Variants in RHOQ observed in about 807,000 individuals in gnomAD.
The protein encoded by RHOQ is rho-related GTP-binding protein RhoQ.
RHOQ carries 7 observed loss-of-function variants against 25.8 expected under a neutral mutation model. That is an observed-to-expected ratio of 0.27 (90% CI 0.15 to 0.51). RHOQ has a LOEUF of 0.51. Ranked by LOEUF, RHOQ falls within the 20% of genes least tolerant of loss-of-function variation. The probability of loss-of-function intolerance (pLI) is 0.97; values close to 1 mark genes in which losing one functional copy is unlikely to be tolerated. For missense variants in RHOQ, 165 were observed against 260.6 expected, an observed-to-expected ratio of 0.63 and a Z score of 2.53; for synonymous variants, 97 against 98.6, an observed-to-expected ratio of 0.98 and a Z score of 0.10.
At position 46,548,864 on chromosome 2, in the gene RHOQ, G is replaced by A. The variant is rs1178903179; in HGVS notation, c.201+5052G>A. On this transcript the variant is annotated intron_variant, in intron 2 of 4. Transcript: ENST00000238738. This position sits in a 1 kb window ranked among gnomAD's most constrained non-coding sequence, Gnocchi z 5.2. ...CTGGTTTCCTCCTCTGCGTTGGGAAGGTGGATAGCCTTTGTTGACTCCAAA... is the reference window on the plus strand; with the variant it reads ...CTGGTTTCCTCCTCTGCGTTGGGAAAGTGGATAGCCTTTGTTGACTCCAAA... Among the ~76,000 whole-genome samples, 2 of 152,230 alleles carry A rather than the reference G, an allele frequency of 1.3e-5. No individual in the cohort carries two copies. The highest frequency in any genetic ancestry group is 2.9e-5 in the Non-Finnish European group (2 of 68,038).
chr2:46,578,491 G>T (rs1347506469), intron 4 of RHOQ, among the ~76,000 whole-genome samples: 1 of 142,426 alleles, frequency 7.0e-6, no homozygotes, highest in Non-Finnish European at 1.5e-5. Context: ...CCGCACCTTG[G>T]AAGGCTGAGG....
Position 46,576,718 on chromosome 2 carries a change from C to G in RHOQ, c.462+62C>G. ...AAAGATGCTAAGATAACAATAGAAG[C>G]TAATTTTATTGTGTATTTACTGTGT... On this transcript the variant is annotated intron_variant, in intron 4 of 4. Transcript: ENST00000238738. The surrounding 1 kb of genome is among the most constrained non-coding windows in gnomAD (Gnocchi z 5.1). The G allele has an allele frequency of 8.7e-7, 1 of 1,147,752 alleles. No individual in the cohort carries two copies. The highest frequency in any genetic ancestry group is 1.3e-6 in the Non-Finnish European group (1 of 778,904). The allele number at this position is 1,147,752 out of a possible 1,614,324, so 71.1% of individuals were successfully genotyped here. A position where few individuals can be genotyped will look rare whatever the true frequency, so the allele number is the denominator to read the frequency against.
chr2:46,556,076 C>T lies in RHOQ; in HGVS notation c.201+12264C>T, dbSNP rs898446940. On this transcript the variant is annotated intron_variant, in intron 2 of 4. Transcript: ENST00000238738. The surrounding 1 kb of genome is among the most constrained non-coding windows in gnomAD (Gnocchi z 4.9). The stretch of plus-strand genomic sequence containing the variant: ...GTCACTCCCCACCATTCCTCCTCCC[C>T]CGTCTCCTGGCAACCACTAATCTGT... 6.6e-6 allele frequency among the ~76,000 whole-genome samples: 1 copy of T among 152,152 alleles called. No homozygotes were observed. Among genetic ancestry groups the T allele is most frequent in the Non-Finnish European group, 1.5e-5 (1 of 68,016 alleles).
chr2:46,546,531 T>C (rs113286274), intron 2 of RHOQ, among the ~76,000 whole-genome samples: 1,237 of 93,682 alleles, frequency 0.013, 29 homozygotes, highest in Non-Finnish European at 0.017. Flanking sequence ...TATATATATA[T>C]ACACAAATCC....
Position 46,569,190 on chromosome 2 carries a change from A to G in RHOQ, c.202-6897A>G, listed in dbSNP as rs1214377823. 6.6e-6 allele frequency: 1 copy of G among 152,196 alleles called. No individual in the cohort carries two copies. Among genetic ancestry groups the G allele is most frequent in the Non-Finnish European group, 1.5e-5 (1 of 68,050 alleles). The allele number at this position is 152,196 out of a possible 1,614,324, so 9.4% of individuals were successfully genotyped here. A position where few individuals can be genotyped will look rare whatever the true frequency, so the allele number is the denominator to read the frequency against. On this transcript the variant is annotated intron_variant, in intron 2 of 4. Coordinates refer to ENST00000238738, the MANE Select transcript of RHOQ (RefSeq NM_012249.4). The surrounding 1 kb of genome is among the most constrained non-coding windows in gnomAD (Gnocchi z 4.1). ...AAACACTTGACCAGCTCTCTCATTT[A>G]TCTTAACATGTGTATTTATTCTCCC...
chr2:46,576,817 C>G lies in RHOQ; in HGVS notation c.462+161C>G, dbSNP rs764371724. The G allele has an allele frequency of 1.0e-5, 5 of 500,132 alleles. 1 individual carries two copies. Among genetic ancestry groups the G allele is most frequent in the Non-Finnish European group, 1.8e-5 (5 of 279,676 alleles). The allele number at this position is 500,132 out of a possible 1,614,324, so 31.0% of individuals were successfully genotyped here. A position where few individuals can be genotyped will look rare whatever the true frequency, so the allele number is the denominator to read the frequency against. On this transcript the variant is annotated intron_variant, in intron 4 of 4. Transcript: ENST00000238738. This position sits in a 1 kb window ranked among gnomAD's most constrained non-coding sequence, Gnocchi z 5.1. ...ACTCAGTGAGGTAGGTCTGTTTCCCCTGTTACACAGAAGAGACAGTGGAGG... is the reference window on the plus strand; with the variant it reads ...ACTCAGTGAGGTAGGTCTGTTTCCCGTGTTACACAGAAGAGACAGTGGAGG...
chr2:46,546,475 T>TATCC (rs1255775164), intron 2 of RHOQ, among the ~76,000 whole-genome samples: 603 of 6,778 alleles, frequency 0.089, 71 homozygotes, highest in African/African-American at 0.17. Flanking sequence ...TATATATATG[T>TATCC]GTATATATAT....
At chr2:46,579,645 A>AGTT (rs1188191630) in intron 4 of RHOQ, among the ~76,000 whole-genome samples, 4 of 152,146 alleles carry the variant, frequency 2.6e-5, no homozygotes, top group African/African-American at 9.7e-5. Context: ...TGAGGTTGGG[A>AGTT]GTTGGAGACC....
At position 46,582,320 on chromosome 2, in the gene RHOQ, GTTC is replaced by G. The variant is rs1278179282; in HGVS notation, c.*1242_*1244del. The G allele has an allele frequency of 1.3e-5, 2 of 151,480 alleles. No homozygotes were observed. The highest frequency in any genetic ancestry group is 4.8e-5 in the African/African-American group (2 of 41,244). The allele number at this position is 151,480 out of a possible 1,614,324, so 9.4% of individuals were successfully genotyped here. A position where few individuals can be genotyped will look rare whatever the true frequency, so the allele number is the denominator to read the frequency against. On this transcript the variant is annotated 3_prime_UTR_variant, in exon 5 of 5. Coordinates refer to ENST00000238738, the MANE Select transcript of RHOQ (RefSeq NM_012249.4). ...AAAAAAGTTGGAGGAAAATTTTCAT[GTTC>G]TTCTGTGAAGCTTATTTGGTACACT...
At chr2:46,547,056 G>A (rs1017295426) in intron 2 of RHOQ, among the ~76,000 whole-genome samples, 1 of 152,182 alleles carries the variant, frequency 6.6e-6, no homozygotes, top group Admixed American at 6.5e-5. Flanking sequence ...TGATAGAAGA[G>A]AAATAGCTTA....
rs953138933 is a variant in RHOQ at position 46,552,747 on chromosome 2, G to C, written c.201+8935G>C. The stretch of plus-strand genomic sequence containing the variant: ...GAGCACCAGATCTGGGCCAGGGGCA[G>C]GTGTTAGAAGATCTGTCAGGCACAG... On this transcript the variant is annotated intron_variant, in intron 2 of 4. Transcript: ENST00000238738. This position sits in a 1 kb window ranked among gnomAD's most constrained non-coding sequence, Gnocchi z 5.0. Among the ~76,000 whole-genome samples, 2 of 152,204 alleles carry C rather than the reference G, an allele frequency of 1.3e-5. No homozygotes were observed. The highest frequency in any genetic ancestry group is 1.3e-4 in the Admixed American group (2 of 15,284).
intron 4 of RHOQ, among the ~76,000 whole-genome samples, chr2:46,579,024 A>C (rs2104037282): frequency 1.3e-5 from 2 of 152,368 alleles, no homozygotes; most frequent in Middle Eastern, 6.8e-3. Context: ...AGAGCTACAA[A>C]GATGCTGAAT....
At chr2:46,564,165 T>C (rs1668658404) in intron 2 of RHOQ, among the ~76,000 whole-genome samples, 2 of 151,796 alleles carry the variant, frequency 1.3e-5, no homozygotes, top group African/African-American at 4.8e-5. Flanking sequence ...ATTGGCCAGA[T>C]GTGGTAGCAC....
rs912799432 is a variant in RHOQ, at chr2:46,580,830, A to G, written c.463-98A>G. The G allele has an allele frequency of 3.6e-6, 3 of 834,400 alleles. No individual in the cohort carries two copies. The African/African-American group carries it at 5.3e-5, about 15-fold the overall frequency. The allele number at this position is 834,400 out of a possible 1,614,324, so 51.7% of individuals were successfully genotyped here. ...GATGATGAATGTATTCTTTTTGCAT[A>G]GCTGTATTTTATAATTTTCTTTATA... On this transcript the variant is annotated intron_variant, in intron 4 of 4. Coordinates refer to ENST00000238738, the MANE Select transcript of RHOQ (RefSeq NM_012249.4).
chr2:46,560,764 A>T, intron 2 of RHOQ: 1 of 297,546 alleles, frequency 3.4e-6, no homozygotes, highest in Non-Finnish European at 7.0e-6. Context: ...ATAGACCATG[A>T]CTTTTCAGTT....
rs563579931 is a variant in RHOQ, at chr2:46,555,944, A to G, written c.201+12132A>G. Among the ~76,000 whole-genome samples the G allele has an allele frequency of 2.0e-5, 3 of 152,338 alleles. 1 individual carries two copies. The highest frequency in any genetic ancestry group is 2.0e-4 in the Admixed American group (3 of 15,306). ...ACTCAGAGAAATTGCTGGTGTGTCAAACTGCTTGATATGTAAGTTTCCTCC... is the reference window on the plus strand; with the variant it reads ...ACTCAGAGAAATTGCTGGTGTGTCAGACTGCTTGATATGTAAGTTTCCTCC... On this transcript the variant is annotated intron_variant, in intron 2 of 4. Transcript: ENST00000238738. The surrounding 1 kb of genome is among the most constrained non-coding windows in gnomAD (Gnocchi z 4.3).
rs34520266 is a variant in RHOQ, at chr2:46,556,487, AT to A, written c.201+12688del. On this transcript the variant is annotated intron_variant, in intron 2 of 4. Coordinates refer to ENST00000238738, the MANE Select transcript of RHOQ (RefSeq NM_012249.4). This position sits in a 1 kb window ranked among gnomAD's most constrained non-coding sequence, Gnocchi z 4.9. ...TTCTTTTTCTTAAAAAATTTTTTTA[AT>A]TTTTTTTTTTTTGTTCCTTTTAATG... Among the ~76,000 whole-genome samples the A allele has an allele frequency of 0.52, 76,475 of 145,946 alleles. 20,116 individuals are homozygous for A. The highest frequency in any genetic ancestry group is 0.61 in the African/African-American group (24,444 of 39,756).
rs781594998 is a variant in RHOQ, at chr2:46,581,452, C to A, written c.*369C>A. 5 of 1,604,588 alleles carry A rather than the reference C, an allele frequency of 3.1e-6. No homozygotes were observed. In the South Asian group the frequency reaches 4.4e-5, roughly 14 times the overall value. Reference sequence around the variant, plus strand: ...CTGCCCAGCCCTTACAGAATCTGCACAAAGAAATATCTCCCTTTGCTCCAG... The same window carrying A: ...CTGCCCAGCCCTTACAGAATCTGCAAAAAGAAATATCTCCCTTTGCTCCAG... On this transcript the variant is annotated 3_prime_UTR_variant, in exon 5 of 5. Coordinates refer to ENST00000238738, the MANE Select transcript of RHOQ (RefSeq NM_012249.4).
chr2:46,578,861 T>C (rs1669236019), intron 4 of RHOQ, among the ~76,000 whole-genome samples: 1 of 152,018 alleles, frequency 6.6e-6, no homozygotes. Flanking sequence ...TTTAAGGTGA[T>C]AGATGTTAAT....
Sources: allele counts gnomAD v4.1 joint callset (sites outside exome capture counted in the v4.1 genomes callset), GRCh38; gene constraint gnomAD v4.1.1; non-coding constraint Gnocchi (gnomAD v3.1); transcripts MANE v1.5; gene names NCBI Gene and HGNC (gene_info 2026-07-23, HGNC 2026-07-21).